The following SELE variants were observed in gnomAD, a reference collection of about 807,000 sequenced individuals.
SELE encodes the protein E-selectin.
A neutral mutation model predicts 75.8 loss-of-function variants in SELE; 52 were observed. The ratio of observed to expected loss-of-function variants is 0.69; its 90% CI spans 0.55 to 0.86. The LOEUF is 0.86. SELE is among the 40% of genes least tolerant of loss of function. The probability of loss-of-function intolerance (pLI) is 0.00; values close to 1 mark genes in which losing one functional copy is unlikely to be tolerated. For synonymous variants in SELE, 285 were observed against 258.7 expected (o/e 1.10, Z -0.98); for missense variants, 754 against 732.7 (o/e 1.03, Z -0.34).
rs1648883550 is a variant in SELE at position 169,730,433 on chromosome 1, A to T, written c.714T>A (p.Asn238Lys). The T allele has an allele frequency of 6.3e-7, 1 of 1,585,772 alleles. No homozygotes were observed. Among genetic ancestry groups the T allele is most frequent in the African/African-American group, 1.3e-5 (1 of 74,488 alleles). The change falls in exon 5 of 14, where the codon AAT becomes AAA. Residue 238 changes from asparagine to lysine, a missense_variant and splice_region_variant. By Grantham distance (94) the Asn-to-Lys change is moderately conservative (BLOSUM62 0). Transcript: ENST00000333360. ...CTGTGCATTCTCAGAGGGATTTACC[A>T]TTGCAGGCTGGAATAGGAGCACTCC... ...GEWSAPIPAC[N>K]VVECDAVTNP...
rs1253224228 is a variant in SELE, at chr1:169,723,990, A to G, written c.*535T>C. ...TTCAGTAGGATTTGCACCATTAACA[A>G]CCCTCCATGCATTTGCCTGTGGGCA... On this transcript the variant is annotated 3_prime_UTR_variant, in exon 14 of 14. Coordinates refer to ENST00000333360, the MANE Select transcript of SELE (RefSeq NM_000450.2). 2.0e-5 allele frequency: 3 copies of G among 151,972 alleles called. No individual in the cohort carries two copies. The highest frequency in any genetic ancestry group is 2.1e-4 in the South Asian group (1 of 4,820). The allele number at this position is 151,972 out of a possible 1,614,324, so 9.4% of individuals were successfully genotyped here. A position where few individuals can be genotyped will look rare whatever the true frequency, so the allele number is the denominator to read the frequency against.
At position 169,729,558 on chromosome 1, in the gene SELE, T is replaced by G. The variant is rs1648858332; in HGVS notation, c.831A>C (p.Glu277Asp). ...ACTGAAGGCTCTGGGCTCCCATTAG[T>G]TCAAATCCTTCTTCACAGTCAAATG... Reference protein sequence around the residue: ...TCTFDCEEGFELMGAQSLQCT... With the variant: ...TCTFDCEEGFDLMGAQSLQCT... The change falls in exon 6 of 14, where the codon GAA (glutamate) becomes GAC (aspartate). Residue 277 changes from glutamate to aspartate, a missense_variant. Physicochemically the swap from Glu to Asp is conservative, Grantham distance 45 (BLOSUM62 2). Coordinates refer to ENST00000333360, the MANE Select transcript of SELE (RefSeq NM_000450.2). The G allele has an allele frequency of 1.2e-6, 2 of 1,614,086 alleles. No individual in the cohort carries two copies. The highest frequency in any genetic ancestry group is 1.7e-6 in the Non-Finnish European group (2 of 1,180,024).
chr1:169,727,077 T>G (rs1648791236), intron 10 of SELE, among the ~76,000 whole-genome samples: 1 of 152,166 alleles, frequency 6.6e-6, no homozygotes, highest in Non-Finnish European at 1.5e-5. Flanking sequence ...ACACTGCACT[T>G]GCTTGCTCTC....
chr1:169,724,892 A>G (rs1019098589), intron 13 of SELE, among the ~76,000 whole-genome samples: 10 of 152,194 alleles, frequency 6.6e-5, no homozygotes, highest in South Asian at 4.1e-4. Flanking sequence ...ACACACAAAA[A>G]AAGTTATTTT....
chr1:169,726,743 G>A lies in SELE; in HGVS notation c.1709C>T (p.Thr570Ile), dbSNP rs762675143. 1.2e-6 allele frequency: 2 copies of A among 1,613,930 alleles called. No individual in the cohort carries two copies. The highest frequency in any genetic ancestry group is 3.3e-5 in the Admixed American group (2 of 60,024). ...GLSAAGLSLL[T>I]LAPFLLWLRK... ...AAGCCAGAGGAGAAATGGTGCTAATGTCAGGAGGGAGAGTCCAGCAGCAGA... is the reference window on the plus strand; with the variant it reads ...AAGCCAGAGGAGAAATGGTGCTAATATCAGGAGGGAGAGTCCAGCAGCAGA... The change falls in exon 11 of 14, where the codon ACA (threonine) becomes ATA (isoleucine). Residue 570 changes from threonine (T) to isoleucine (I), a missense_variant. By Grantham distance (89) the Thr-to-Ile change is moderately conservative. Transcript: ENST00000333360.
intron 9 of SELE, 50 bp downstream of exon 9, chr1:169,727,689 T>C: frequency 6.3e-7 from 1 of 1,579,106 alleles, no homozygotes; most frequent in Non-Finnish European, 8.6e-7. Context: ...GTTCAGAAAC[T>C]TTATGAAGTA....
At chr1:169,730,205 C>T (rs934865429) in intron 5 of SELE, among the ~76,000 whole-genome samples, 1 of 152,098 alleles carries the variant, frequency 6.6e-6, no homozygotes, top group Non-Finnish European at 1.5e-5. Flanking sequence ...CCTTACAAAT[C>T]ACCAGAGCCT....
At chr1:169,730,296 G>A in intron 5 of SELE, 136 bp downstream of exon 5, 1 of 776,846 alleles carries the variant, frequency 1.3e-6, no homozygotes, top group East Asian at 2.7e-5. Flanking sequence ...TACATTGGCT[G>A]AGAGAACAAA....
rs1480269977 is a variant in SELE at position 169,722,650 on chromosome 1, C to T, written c.*1875G>A. On this transcript the variant is annotated 3_prime_UTR_variant, in exon 14 of 14. Transcript: ENST00000333360. ...GACTTAACACAGAGATAAACATAAGCACATTTATTGTCAACCTTTATAGTG... is the reference window on the plus strand; with the variant it reads ...GACTTAACACAGAGATAAACATAAGTACATTTATTGTCAACCTTTATAGTG... 3 of 152,034 alleles carry T rather than the reference C, an allele frequency of 2.0e-5. No individual in the cohort carries two copies. Among genetic ancestry groups the T allele is most frequent in the Non-Finnish European group, 4.4e-5 (3 of 67,998 alleles). The allele number at this position is 152,034 out of a possible 1,614,324, so 9.4% of individuals were successfully genotyped here. A position where few individuals can be genotyped will look rare whatever the true frequency, so the allele number is the denominator to read the frequency against.
At chr1:169,727,955 AGTTT>A in intron 8 of SELE, 28 bp from the exon 9 acceptor site, 2 of 1,601,282 alleles carry the variant, frequency 1.2e-6, no homozygotes, top group Non-Finnish European at 8.5e-7. Flanking sequence ...GCACTTTAGA[AGTTT>A]GTTTGCATCT....
chr1:169,730,399 C>G, intron 5 of SELE, 33 bp downstream of exon 5: 1 of 1,514,174 alleles, frequency 6.6e-7, no homozygotes, highest in Non-Finnish European at 9.0e-7. Flanking sequence ...GGATGAGTTA[C>G]AGAACGTTCT....
intron 5 of SELE, among the ~76,000 whole-genome samples, 189 bp downstream of exon 5, chr1:169,730,242 TA>T (rs1278195447): frequency 6.6e-6 from 1 of 151,630 alleles, no homozygotes; most frequent in East Asian, 1.9e-4. Context: ...AAGCATAGAA[TA>T]AAAAAACCTC....
Position 169,729,535 on chromosome 1 carries a change from T to C in SELE, c.854A>G (p.Gln285Arg), listed in dbSNP as rs1431749154. ...GFELMGAQSL[Q>R]CTSSGNWDNE... ...GTCCCAATTCCCAGATGAGGTACACTGAAGGCTCTGGGCTCCCATTAGTTC... is the reference window on the plus strand; with the variant it reads ...GTCCCAATTCCCAGATGAGGTACACCGAAGGCTCTGGGCTCCCATTAGTTC... The change falls in exon 6 of 14, where the codon CAG becomes CGG. Residue 285 changes from glutamine (Q) to arginine (R), a missense_variant. Transcript: ENST00000333360. 6.2e-7 allele frequency: 1 copy of C among 1,614,212 alleles called. No homozygotes were observed. Among genetic ancestry groups the C allele is most frequent in the Admixed American group, 1.7e-5 (1 of 60,018 alleles).
rs770217614 is a variant in SELE at position 169,728,104 on chromosome 1, T to C, written c.1233A>G (p.Gln411=). 7.4e-6 allele frequency: 12 copies of C among 1,614,080 alleles called. No individual in the cohort carries two copies. The highest frequency in any genetic ancestry group is 1.3e-5 in the African/African-American group (1 of 74,928). Residue 411 remains glutamine, a synonymous_variant, in exon 8 of 14, where the codon CAA becomes CAG. Transcript: ENST00000333360. ...GFVLKGSKRL[Q]CGPTGEWDNE... ...TGTCCCACTCCCCTGTGGGGCCACA[T>C]TGGAGCCTTTTGGATCCCTTCAACA... is the stretch of plus-strand genomic sequence containing the variant.
At chr1:169,732,340 T>C (rs1398771766) in intron 3 of SELE, among the ~76,000 whole-genome samples, 1 of 150,644 alleles carries the variant, frequency 6.6e-6, no homozygotes, top group Non-Finnish European at 1.5e-5. Context: ...TGTGTATGTA[T>C]ATATATAAAA....
At position 169,728,258 on chromosome 1, in the gene SELE, A is replaced by G. The variant is rs369798322; in HGVS notation, c.1091-12T>C. ...TGTGCACTGGAAAGCTGAGACATCA[A>G]AATGATGGTCAGAAAATATTGCAGT... On this transcript the variant is annotated splice_polypyrimidine_tract_variant and intron_variant, in intron 7 of 13. Transcript: ENST00000333360. 1.9e-6 allele frequency: 3 copies of G among 1,611,894 alleles called. No individual in the cohort carries two copies. Among genetic ancestry groups the G allele is most frequent in the Non-Finnish European group, 2.5e-6 (3 of 1,179,106 alleles).
At chr1:169,732,311 A>G (rs1648929807) in intron 3 of SELE, among the ~76,000 whole-genome samples, 1 of 150,412 alleles carries the variant, frequency 6.6e-6, no homozygotes, top group African/African-American at 2.4e-5. Flanking sequence ...ATACATACAC[A>G]CATATATGTG....
At position 169,729,325 on chromosome 1, in the gene SELE, G is replaced by A. The variant is rs762893647; in HGVS notation, c.951C>T (p.Cys317=). The change falls in exon 7 of 14, where the codon TGC becomes TGT. Residue 317 remains cysteine, a synonymous_variant. Transcript: ENST00000333360. ...VRQPQNGSVR[C]SHSPAGEFTF... ...TGAACTCTCCAGCAGGGGAATGGCTGCACCTCACAGAGCCATTCTGAGGCT... is the reference window on the plus strand; with the variant it reads ...TGAACTCTCCAGCAGGGGAATGGCTACACCTCACAGAGCCATTCTGAGGCT... 4.0e-5 allele frequency: 65 copies of A among 1,613,982 alleles called. No homozygotes were observed. The highest frequency in any genetic ancestry group is 5.5e-5 in the Non-Finnish European group (65 of 1,179,998).
At position 169,727,757 on chromosome 1, in the gene SELE, C is replaced by T. The variant is rs768880915; in HGVS notation, c.1450G>A (p.Glu484Lys). ...ECTSQGQWTE[E>K]VPSCQVVKCS... ...ATTCTACCTTGGCAGGAAGGAACCT[C>T]TTCTGTCCATTGTCCCTGAGATGTG... is the stretch of plus-strand genomic sequence containing the variant. Residue 484 changes from glutamate to lysine, a missense_variant, in exon 9 of 14, where the codon GAG (glutamate) becomes AAG (lysine). Glu to Lys is a moderately conservative substitution (Grantham distance 56, BLOSUM62 1). Coordinates refer to ENST00000333360, the MANE Select transcript of SELE (RefSeq NM_000450.2). The T allele has an allele frequency of 1.2e-6, 2 of 1,614,100 alleles. No individual in the cohort carries two copies. Among genetic ancestry groups the T allele is most frequent in the Non-Finnish European group, 1.7e-6 (2 of 1,179,976 alleles).
Sources: allele counts gnomAD v4.1 joint callset (sites outside exome capture counted in the v4.1 genomes callset), GRCh38; gene constraint gnomAD v4.1.1; transcripts MANE v1.5; gene names NCBI Gene and HGNC (gene_info 2026-07-23, HGNC 2026-07-21).